The following EEIG2 variants were observed in gnomAD, a reference collection of about 807,000 sequenced individuals.
The protein encoded by EEIG2 is family with sequence similarity 102 member B.
the EEIG2 span, among the ~76,000 whole-genome samples, chr1:108,600,107 G>A: frequency 6.6e-6 from 1 of 152,198 alleles, no homozygotes; most frequent in Non-Finnish European, 1.5e-5. Flanking sequence ...TATGGCTGGA[G>A]TAAAACTATG....
the EEIG2 span, among the ~76,000 whole-genome samples, chr1:108,596,744 TG>T: frequency 7.0e-4 from 107 of 152,150 alleles, 1 homozygote; most frequent in Non-Finnish European, 2.4e-4. Flanking sequence ...TCTGTTTTTT[TG>T]TTTTTTTTTT....
At chr1:108,628,212 G>A in the EEIG2 span, 1 of 1,614,124 alleles carries the variant, frequency 6.2e-7, no homozygotes, top group Non-Finnish European at 8.5e-7. Flanking sequence ...CTTGGTGCCT[G>A]TGGACATTCT....
At chr1:108,600,725 C>G in the EEIG2 span, 16 of 1,577,528 alleles carry the variant, frequency 1.0e-5, no homozygotes, top group Non-Finnish European at 1.3e-5. Context: ...TTTCAGAAAC[C>G]ATAATTAGTT....
At chr1:108,603,816 T>C in the EEIG2 span, among the ~76,000 whole-genome samples, 1 of 152,166 alleles carries the variant, frequency 6.6e-6, no homozygotes, top group African/African-American at 2.4e-5. Flanking sequence ...GAAAAGTACA[T>C]TAACTAAAAT....
chr1:108,575,124 T>A, the EEIG2 span, among the ~76,000 whole-genome samples: 2 of 152,260 alleles, frequency 1.3e-5, no homozygotes, highest in African/African-American at 4.8e-5. Context: ...GACTGTTTTT[T>A]AAAGAGGCTA....
the EEIG2 span, among the ~76,000 whole-genome samples, chr1:108,574,770 A>G: frequency 6.6e-6 from 1 of 152,196 alleles, no homozygotes; most frequent in African/African-American, 2.4e-5. Context: ...GGGGGGTTAG[A>G]TGGTCAATTT....
At chr1:108,562,211 CTG>C in the EEIG2 span, among the ~76,000 whole-genome samples, 1 of 152,124 alleles carries the variant, frequency 6.6e-6, no homozygotes, top group East Asian at 1.9e-4. Context: ...CTGATCAGGT[CTG>C]TGTAACTTCA....
chr1:108,578,556 A>G, the EEIG2 span, among the ~76,000 whole-genome samples: 26 of 148,572 alleles, frequency 1.7e-4, no homozygotes, highest in African/African-American at 5.5e-4. Context: ...TATTGAGATA[A>G]TCATGTGGTT....
chr1:108,630,581 A>T, the EEIG2 span, among the ~76,000 whole-genome samples: 1 of 152,226 alleles, frequency 6.6e-6, no homozygotes, highest in African/African-American at 2.4e-5. Flanking sequence ...ATAATAATAA[A>T]AAAAGAAAAG....
At chr1:108,611,117 A>G in the EEIG2 span, among the ~76,000 whole-genome samples, 14 of 152,346 alleles carry the variant, frequency 9.2e-5, no homozygotes, top group African/African-American at 3.4e-4. Context: ...AGCTATTAAA[A>G]TAATGCTCCA....
chr1:108,560,414 C>T, the EEIG2 span: 1 of 1,585,440 alleles, frequency 6.3e-7, no homozygotes, highest in Non-Finnish European at 8.6e-7. Flanking sequence ...AGCTTGCAGG[C>T]GCCTGGCTCT....
At chr1:108,573,615 G>T in the EEIG2 span, among the ~76,000 whole-genome samples, 1 of 152,150 alleles carries the variant, frequency 6.6e-6, no homozygotes, top group Non-Finnish European at 1.5e-5. Flanking sequence ...GAAAATATTT[G>T]CAAGTCATAT....
chr1:108,625,371 G>A, the EEIG2 span: 1 of 152,248 alleles, frequency 6.6e-6, no homozygotes, highest in African/African-American at 2.4e-5. Context: ...AAGGTTGCAG[G>A]AGGAAAAGGA....
the EEIG2 span, among the ~76,000 whole-genome samples, chr1:108,630,694 G>A: frequency 6.6e-6 from 1 of 152,184 alleles, no homozygotes; most frequent in Non-Finnish European, 1.5e-5. Flanking sequence ...AGATAATAGT[G>A]AGCACAGACA....
At chr1:108,561,394 A>T in the EEIG2 span, among the ~76,000 whole-genome samples, 1 of 152,280 alleles carries the variant, frequency 6.6e-6, no homozygotes, top group South Asian at 2.1e-4. Context: ...AGAGAAAACA[A>T]TTTTTTAAAT....
the EEIG2 span, among the ~76,000 whole-genome samples, chr1:108,620,441 C>T: frequency 6.6e-6 from 1 of 152,120 alleles, no homozygotes; most frequent in Non-Finnish European, 1.5e-5. Flanking sequence ...TCATCAAACA[C>T]CCACCAACTC....
At chr1:108,567,074 T>A in the EEIG2 span, among the ~76,000 whole-genome samples, 26 of 152,346 alleles carry the variant, frequency 1.7e-4, no homozygotes, top group Middle Eastern at 0.01. Context: ...TTTCACAATA[T>A]ATACACATAT....
At chr1:108,588,552 A>G in the EEIG2 span, among the ~76,000 whole-genome samples, 2 of 152,178 alleles carry the variant, frequency 1.3e-5, no homozygotes, top group Non-Finnish European at 2.9e-5. Context: ...TTTATGGTAT[A>G]AAAAGAGATG....
the EEIG2 span, among the ~76,000 whole-genome samples, chr1:108,575,485 A>G: frequency 6.6e-6 from 1 of 152,228 alleles, no homozygotes. Flanking sequence ...AAAAGAAAAT[A>G]TAATGTCACA....
Sources: allele counts gnomAD v4.1 joint callset (sites outside exome capture counted in the v4.1 genomes callset), GRCh38; gene constraint gnomAD v4.1.1; transcripts MANE v1.5; gene names NCBI Gene and HGNC (gene_info 2026-07-23, HGNC 2026-07-21).